The following OCA2 variants were observed in gnomAD, a reference collection of about 807,000 sequenced individuals.
The protein encoded by OCA2 is P protein.
Under a neutral mutation model 100.2 loss-of-function variants are expected in OCA2, and 77 were observed. That is an observed-to-expected ratio of 0.77 (90% CI 0.64 to 0.93). OCA2 has a LOEUF of 0.93. Ranked by LOEUF, OCA2 falls within the 40% of genes least tolerant of loss-of-function variation. OCA2 has a pLI of 0.00. For missense variants in OCA2, 1,062 were observed against 1,089.1 expected (o/e 0.98, Z 0.35); for synonymous variants, 432 against 439.2 (o/e 0.98, Z 0.21).
At chr15:28,085,502 C>G (rs2044762203) in intron 1 of OCA2, among the ~76,000 whole-genome samples, 1 of 152,150 alleles carries the variant, frequency 6.6e-6, no homozygotes, top group South Asian at 2.1e-4. Flanking sequence ...ATTCAGAACA[C>G]AGTAGGGCAA....
At chr15:27,909,101 T>A (rs1244372767) in intron 19 of OCA2, among the ~76,000 whole-genome samples, 1 of 152,160 alleles carries the variant, frequency 6.6e-6, no homozygotes, top group African/African-American at 2.4e-5. Context: ...GGCCTCTATA[T>A]ACACAAAAAA....
At chr15:27,912,473 G>A (rs374560267) in intron 19 of OCA2, among the ~76,000 whole-genome samples, 31 of 152,222 alleles carry the variant, frequency 2.0e-4, no homozygotes, top group African/African-American at 7.0e-4. Context: ...AATGGACACC[G>A]AAGCTGCTCC....
intron 9 of OCA2, among the ~76,000 whole-genome samples, chr15:28,011,270 T>C (rs1461585210): frequency 6.6e-6 from 1 of 151,928 alleles, no homozygotes; most frequent in Non-Finnish European, 1.5e-5. Context: ...TTCAAGACCA[T>C]CCTGGGCAAC....
intron 2 of OCA2, among the ~76,000 whole-genome samples, chr15:28,057,214 G>C (rs2043729011): frequency 6.6e-6 from 1 of 152,196 alleles, no homozygotes; most frequent in Admixed American, 6.5e-5. Context: ...ATACATTGAA[G>C]AAAGCACCTT....
At chr15:27,796,609 T>A (rs1276401125) in intron 23 of OCA2, among the ~76,000 whole-genome samples, 1 of 152,118 alleles carries the variant, frequency 6.6e-6, no homozygotes, top group East Asian at 1.9e-4. Flanking sequence ...GCAGGGCAGG[T>A]GCTCAGCGAG....
At chr15:27,885,563 A>G (rs894373628) in intron 19 of OCA2, among the ~76,000 whole-genome samples, 3 of 152,250 alleles carry the variant, frequency 2.0e-5, no homozygotes, top group Non-Finnish European at 4.4e-5. Flanking sequence ...AAATATCCTC[A>G]CAAGAAGCCT....
Position 28,074,485 on chromosome 15 carries a change from G to C in OCA2, c.227+7163C>G, listed in dbSNP as rs201244496. Among the ~76,000 whole-genome samples the C allele has an allele frequency of 5.3e-5, 8 of 151,844 alleles. No individual in the cohort carries two copies. The East Asian group carries it at 1.6e-3, about 29-fold the overall frequency. On this transcript the variant is annotated intron_variant, in intron 2 of 23. Transcript: ENST00000354638. ...GTCAGGAGATCGAGACCATCCTGGC[G>C]AACATGGTGAAACCCCGTCTCTACT...
At chr15:27,839,089 T>C (rs549203946) in intron 23 of OCA2, among the ~76,000 whole-genome samples, 5 of 152,132 alleles carry the variant, frequency 3.3e-5, no homozygotes, top group Non-Finnish European at 5.9e-5. Flanking sequence ...AAAAGTACTG[T>C]AGAATAAACT....
At chr15:27,925,012 A>G (rs1487230438) in intron 19 of OCA2, among the ~76,000 whole-genome samples, 1 of 152,222 alleles carries the variant, frequency 6.6e-6, no homozygotes, top group African/African-American at 2.4e-5. Context: ...TTTAGTAATG[A>G]TAAAGTTCAA....
chr15:27,991,109 A>G (rs1277103312), intron 9 of OCA2, among the ~76,000 whole-genome samples: 1 of 152,226 alleles, frequency 6.6e-6, no homozygotes, highest in Non-Finnish European at 1.5e-5. Flanking sequence ...TTTGATTATA[A>G]TTCAAATGGA....
At chr15:27,918,602 T>C (rs985662996) in intron 19 of OCA2, among the ~76,000 whole-genome samples, 2 of 152,218 alleles carry the variant, frequency 1.3e-5, no homozygotes, top group African/African-American at 4.8e-5. Flanking sequence ...CAGTCACAAA[T>C]GAAAATTCTT....
At chr15:27,895,863 G>T in intron 19 of OCA2, 1 of 558,048 alleles carries the variant, frequency 1.8e-6, no homozygotes, top group Non-Finnish European at 3.3e-6. Context: ...ATGATAGTTT[G>T]TGTAACACAC....
chr15:27,975,774 T>G (rs2040945659), intron 14 of OCA2, among the ~76,000 whole-genome samples: 1 of 152,228 alleles, frequency 6.6e-6, no homozygotes, highest in African/African-American at 2.4e-5. Flanking sequence ...ACTCTGAATT[T>G]CTGTATAAAT....
intron 9 of OCA2, among the ~76,000 whole-genome samples, chr15:27,996,133 A>G (rs2041719904): frequency 1.3e-5 from 2 of 152,178 alleles, no homozygotes; most frequent in Admixed American, 1.3e-4. Context: ...TGAGCAACCA[A>G]TGTGTCATAA....
chr15:27,731,863 TG>T, the OCA2 span, among the ~76,000 whole-genome samples: 1 of 152,230 alleles, frequency 6.6e-6, no homozygotes, highest in African/African-American at 2.4e-5. Flanking sequence ...ATCCCCAGTG[TG>T]GGTTCCTATA....
chr15:27,881,854 T>C (rs914461871), intron 19 of OCA2, among the ~76,000 whole-genome samples: 5 of 152,220 alleles, frequency 3.3e-5, no homozygotes, highest in African/African-American at 1.2e-4. Context: ...GAAGGGCTTT[T>C]CATGTCTCTA....
chr15:27,899,511 A>C (rs968284830), intron 19 of OCA2, among the ~76,000 whole-genome samples: 1 of 152,236 alleles, frequency 6.6e-6, no homozygotes, highest in African/African-American at 2.4e-5. Flanking sequence ...TTTACAAATA[A>C]GGATTTCCTT....
At chr15:27,950,974 A>T (rs2040006113) in intron 18 of OCA2, among the ~76,000 whole-genome samples, 1 of 152,242 alleles carries the variant, frequency 6.6e-6, no homozygotes, top group South Asian at 2.1e-4. Context: ...AAAAGAAAAG[A>T]CTGTGACACC....
chr15:28,013,226 A>G (rs1032100547), intron 9 of OCA2, among the ~76,000 whole-genome samples: 1 of 152,200 alleles, frequency 6.6e-6, no homozygotes, highest in African/African-American at 2.4e-5. Flanking sequence ...GAAATAGGAT[A>G]GAGCAGCTAA....
Sources: gnomAD v4.1 joint callset for allele counts (sites outside exome capture counted in the v4.1 genomes callset) on GRCh38, gnomAD v4.1.1 for gene constraint, MANE v1.5 for transcripts, NCBI Gene and HGNC (gene_info 2026-07-23, HGNC 2026-07-21) for gene names.